The following PRKCSH variants were observed in gnomAD, a reference collection of about 807,000 sequenced individuals.
PRKCSH encodes PRKCSH beta subunit of glucosidase II.
PRKCSH carries 42 observed loss-of-function variants against 79.7 expected under a neutral mutation model. The ratio of observed to expected loss-of-function variants is 0.53; its 90% confidence interval spans 0.41 to 0.68. The LOEUF (loss-of-function observed/expected upper bound fraction) is 0.68, where lower values mean the gene tolerates loss of function less well. PRKCSH is among the 30% of genes least tolerant of loss of function. PRKCSH has a pLI of 0.00. For synonymous variants in PRKCSH, 325 were observed against 288.2 expected (o/e 1.13, Z -1.29); for missense variants, 686 against 709.0 (o/e 0.97, Z 0.37).
chr19:11,446,564 C>T (rs938460287), intron 9 of PRKCSH, among the ~76,000 whole-genome samples: 1 of 152,064 alleles, frequency 6.6e-6, no homozygotes, highest in Admixed American at 6.5e-5. Flanking sequence ...CACCTGCCCC[C>T]ACTCTACCCG....
intron 7 of PRKCSH, among the ~76,000 whole-genome samples, chr19:11,444,421 C>A (rs1366459439): frequency 1.3e-5 from 2 of 152,174 alleles, no homozygotes; most frequent in African/African-American, 4.8e-5. Flanking sequence ...ATGGGCAGGT[C>A]CCTTCACCCA....
Position 11,448,950 on chromosome 19 carries a change from G to C in PRKCSH, c.1323G>C (p.Ser441=), listed in dbSNP as rs759312166. The C allele has an allele frequency of 1.2e-6, 2 of 1,613,976 alleles. No individual in the cohort carries two copies. Among genetic ancestry groups the C allele is most frequent in the East Asian group, 4.5e-5 (2 of 44,900 alleles). Residue 441 remains serine (S), a synonymous_variant, in exon 15 of 18, where the codon TCG becomes TCC. Transcript: ENST00000677123. This position sits in a 1 kb window ranked among gnomAD's most constrained non-coding sequence, Gnocchi z 4.4. ...GCCTCTGCCCCTTCAAGCTTGTCTC[G>C]CAGAAACCCAAACTCGGGGGCTCTC... ...VYRLCPFKLV[S]QKPKLGGSPT...
intron 6 of PRKCSH, 83 bp from the exon 7 acceptor site, chr19:11,442,303 G>A: frequency 5.3e-6 from 8 of 1,511,148 alleles, no homozygotes; most frequent in South Asian, 3.6e-5. Flanking sequence ...CTGCTGCCCT[G>A]TGGAGTAGAG....
Position 11,447,784 on chromosome 19 carries a change from T to C in PRKCSH, c.1121T>C (p.Ile374Thr). ...PPYDEQTQAF[I>T]DAAQEARNKF... ...TACGACGAGCAGACGCAGGCCTTCATCGATGGTGAGGGTGGGCGGGGGCCA... is the reference window on the plus strand; with the variant it reads ...TACGACGAGCAGACGCAGGCCTTCACCGATGGTGAGGGTGGGCGGGGGCCA... Residue 374 changes from isoleucine to threonine, a missense_variant, in exon 12 of 18, where the codon ATC becomes ACC. By Grantham distance (89) the Ile-to-Thr change is moderately conservative. Coordinates refer to ENST00000677123, the MANE Select transcript of PRKCSH (RefSeq NM_001289104.2). This position sits in a 1 kb window ranked among gnomAD's most constrained non-coding sequence, Gnocchi z 5.6. 1 of 1,575,346 alleles carries C rather than the reference T, an allele frequency of 6.3e-7. No homozygotes were observed. The highest frequency in any genetic ancestry group is 1.2e-5 in the South Asian group (1 of 86,102).
Position 11,446,354 on chromosome 19 carries a change from C to G in PRKCSH, c.762+4C>G. The G allele has an allele frequency of 6.2e-7, 1 of 1,611,752 alleles. No individual in the cohort carries two copies. Among genetic ancestry groups the G allele is most frequent in the Middle Eastern group, 1.7e-4 (1 of 6,056 alleles). ...GTTGTCAGAAGCGGAAGCTCAGGTA[C>G]CCCCGGCTGCCCCTTGGTTGGGGAC... On this transcript the variant is annotated splice_donor_region_variant and intron_variant, in intron 9 of 17. Coordinates refer to ENST00000677123, the MANE Select transcript of PRKCSH (RefSeq NM_001289104.2).
Position 11,444,950 on chromosome 19 carries a change from C to T in PRKCSH, c.599-439C>T, listed in dbSNP as rs141208193. Reference sequence around the variant, plus strand: ...CCCACCTCCCACCTCTGACCGTCTGCGCACTCCATCTGCGTCTCCCCAGAA... The same window carrying T: ...CCCACCTCCCACCTCTGACCGTCTGTGCACTCCATCTGCGTCTCCCCAGAA... On this transcript the variant is annotated intron_variant, in intron 7 of 17. Coordinates refer to ENST00000677123, the MANE Select transcript of PRKCSH (RefSeq NM_001289104.2). 4.2e-3 allele frequency among the ~76,000 whole-genome samples: 641 copies of T among 152,228 alleles called. 11 individuals are homozygous for T. The highest frequency in any genetic ancestry group is 0.034 in the Admixed American group (516 of 15,286).
rs747320872 is a variant in PRKCSH, at chr19:11,447,454, C to A, written c.865C>A (p.Leu289Ile). The A allele has an allele frequency of 6.2e-7, 1 of 1,614,006 alleles. No homozygotes were observed. The highest frequency in any genetic ancestry group is 1.1e-5 in the South Asian group (1 of 91,068). ...CACCCGCCAGGCACTGCCCACCGACCTTCCAGCACCTTCTGCCCCTGACTT... is the reference window on the plus strand; with the variant it reads ...CACCCGCCAGGCACTGCCCACCGACATTCCAGCACCTTCTGCCCCTGACTT... The part of the protein sequence containing the change: ...KYRSEALPTD[L>I]PAPSAPDLTE... Residue 289 changes from leucine (L) to isoleucine (I), a missense_variant, in exon 11 of 18, where the codon CTT (leucine) becomes ATT (isoleucine). By Grantham distance (5) the Leu-to-Ile change is conservative. Transcript: ENST00000677123. This position sits in a 1 kb window ranked among gnomAD's most constrained non-coding sequence, Gnocchi z 5.6.
At chr19:11,439,738 A>T (rs1280414417) in intron 5 of PRKCSH, among the ~76,000 whole-genome samples, 1 of 142,502 alleles carries the variant, frequency 7.0e-6, no homozygotes. Flanking sequence ...CTTCTGCCTT[A>T]GCCTCCTGAG....
rs1387634588 is a variant in PRKCSH, at chr19:11,437,880, G to A, written c.201G>A (p.Thr67=). ...DCKDGSDEPG[T]AACPNGSFHC... is the part of the protein sequence containing the mutation. ...TCCCTCCCTTCTTCCTCACAGGCAC[G>A]GCTGCCTGTCCTAATGGCAGCTTCC... The change falls in exon 4 of 18, where the codon ACG becomes ACA. Residue 67 remains threonine, a synonymous_variant. Transcript: ENST00000677123. The A allele has an allele frequency of 3.7e-6, 6 of 1,613,844 alleles. No homozygotes were observed. The highest frequency in any genetic ancestry group is 3.3e-4 in the Middle Eastern group (2 of 6,062).
chr19:11,446,819 C>T lies in PRKCSH; in HGVS notation c.763-255C>T, dbSNP rs561327740. 5.9e-5 allele frequency among the ~76,000 whole-genome samples: 9 copies of T among 151,598 alleles called. No individual in the cohort carries two copies. The South Asian group carries it at 1.0e-3, about 17-fold the overall frequency. On this transcript the variant is annotated intron_variant, in intron 9 of 17. Transcript: ENST00000677123. ...TGGGCTCTCTCTTCCTCCATCTGTA[C>T]GTCCGTTTGTCCATCTGCTTCTCTC...
rs56328600 is a variant in PRKCSH, at chr19:11,436,664, G to A, written c.196+159G>A. The A allele has an allele frequency of 4.5e-3, 3,066 of 680,448 alleles. 11 individuals carry two copies. The highest frequency in any genetic ancestry group is 8.1e-3 in the South Asian group (505 of 62,512). The allele number at this position is 680,448 out of a possible 1,614,324, so 42.2% of individuals were successfully genotyped here. ...TCAGTGTTATGGCCCCGGGCAGCTG[G>A]AGGAGCCCAGAGTCGTCCTCCTCCC... On this transcript the variant is annotated intron_variant, in intron 3 of 17. Coordinates refer to ENST00000677123, the MANE Select transcript of PRKCSH (RefSeq NM_001289104.2).
At position 11,438,133 on chromosome 19, in the gene PRKCSH, G is replaced by T. The variant is rs763389419; in HGVS notation, c.350+9G>T. 2 of 1,613,806 alleles carry T rather than the reference G, an allele frequency of 1.2e-6. No individual in the cohort carries two copies. The highest frequency in any genetic ancestry group is 2.2e-5 in the South Asian group (2 of 91,046). ...TGTGAGAACACCTGCAAGTACGTGG[G>T]TGACAGTACCCCTCCCATCACCCCA... is the stretch of plus-strand genomic sequence containing the variant. On this transcript the variant is annotated intron_variant, in intron 5 of 17. Transcript: ENST00000677123.
At position 11,446,977 on chromosome 19, in the gene PRKCSH, G is replaced by A. The variant is rs537929577; in HGVS notation, c.763-97G>A. On this transcript the variant is annotated intron_variant, in intron 9 of 17. Coordinates refer to ENST00000677123, the MANE Select transcript of PRKCSH (RefSeq NM_001289104.2). ...CCTGGTCATCAGGGCCCGGGGCCCA[G>A]CCCTCCCGTGCCTGGCACCGCAGCC... 191 of 1,336,422 alleles carry A rather than the reference G, an allele frequency of 1.4e-4. No individual in the cohort carries two copies. The African/African-American group carries it at 2.2e-3, about 16-fold the overall frequency. The allele number at this position is 1,336,422 out of a possible 1,614,324, so 82.8% of individuals were successfully genotyped here.
In PRKCSH at chr19:11,437,905, C is replaced by T; in HGVS notation, c.226C>T (p.His76Tyr). Residue 76 changes from histidine to tyrosine, a missense_variant, in exon 4 of 18, where the codon CAC (histidine) becomes TAC (tyrosine). His to Tyr is a moderately conservative substitution (Grantham distance 83, BLOSUM62 2). This residue lies in a region of PRKCSH where 549 missense variants were observed against 520.2 expected (regional missense o/e 1.06). Coordinates refer to ENST00000677123, the MANE Select transcript of PRKCSH (RefSeq NM_001289104.2). ...GTAACPNGSF[H>Y]CTNTGYKPLY... Reference sequence around the variant, plus strand: ...GGCTGCCTGTCCTAATGGCAGCTTCCACTGCACCAACACTGGCTATAAGCC... The same window carrying T: ...GGCTGCCTGTCCTAATGGCAGCTTCTACTGCACCAACACTGGCTATAAGCC... The T allele has an allele frequency of 6.2e-7, 1 of 1,614,182 alleles. No homozygotes were observed. The highest frequency in any genetic ancestry group is 8.5e-7 in the Non-Finnish European group (1 of 1,180,034).
chr19:11,446,907 G>C (rs1299368897), intron 9 of PRKCSH, among the ~76,000 whole-genome samples, 167 bp from the exon 10 acceptor site: 1 of 152,106 alleles, frequency 6.6e-6, no homozygotes, highest in Admixed American at 6.6e-5. Flanking sequence ...CCACGGGCCT[G>C]TGCTGCCCCC....
chr19:11,449,482 G>T lies in PRKCSH; in HGVS notation c.*16+54G>T, dbSNP rs1045760850. ...CTGCCCCAGCAAGGGGAGGCGGCGG[G>T]CCCTGAGGAAGATGGACCCACATGG... On this transcript the variant is annotated intron_variant, in intron 17 of 17. Transcript: ENST00000677123. The surrounding 1 kb of genome is among the most constrained non-coding windows in gnomAD (Gnocchi z 6.4). 6.2e-7 allele frequency: 1 copy of T among 1,608,942 alleles called. No homozygotes were observed.
rs1348991751 is a variant in PRKCSH at position 11,435,718 on chromosome 19, C to G, written c.-78+12C>G. On this transcript the variant is annotated intron_variant, in intron 1 of 17. Coordinates refer to ENST00000677123, the MANE Select transcript of PRKCSH (RefSeq NM_001289104.2). The stretch of plus-strand genomic sequence containing the variant: ...TGCTCCGGCCTCGTGTAGGTGTGAA[C>G]GAGCGGGTGGGAGGGCACCTCAGTT... The G allele has an allele frequency of 2.3e-6, 3 of 1,327,964 alleles. No homozygotes were observed. The highest frequency in any genetic ancestry group is 3.0e-5 in the African/African-American group (2 of 67,356). 82.3% of individuals were successfully genotyped at this position (1,327,964 alleles called of 1,614,324 possible). A position where few individuals can be genotyped will look rare whatever the true frequency, so the allele number is the denominator to read the frequency against.
In PRKCSH at chr19:11,449,426, G is replaced by A. The variant is rs1403887272; in HGVS notation, c.*14G>A. ...GACGAGCTCTAGCTGGATGGGCGCA[G>A]AGGTGGGCGGGGAGGTGGAGTCTCG... On this transcript the variant is annotated splice_region_variant and 3_prime_UTR_variant, in exon 17 of 18. Coordinates refer to ENST00000677123, the MANE Select transcript of PRKCSH (RefSeq NM_001289104.2). This position sits in a 1 kb window ranked among gnomAD's most constrained non-coding sequence, Gnocchi z 6.4. 12 of 1,612,906 alleles carry A rather than the reference G, an allele frequency of 7.4e-6. No individual in the cohort carries two copies. Among genetic ancestry groups the A allele is most frequent in the Non-Finnish European group, 1.0e-5 (12 of 1,179,892 alleles).
intron 6 of PRKCSH, among the ~76,000 whole-genome samples, chr19:11,441,628 T>A (rs182797972): frequency 1.1e-3 from 170 of 152,242 alleles, no homozygotes; most frequent in African/African-American, 3.9e-3. Context: ...CTCCTGGGGA[T>A]GGGAGGGTTG....
Sources: allele counts gnomAD v4.1 joint callset (sites outside exome capture counted in the v4.1 genomes callset), GRCh38; gene constraint gnomAD v4.1.1; regional missense constraint gnomAD v4.1.1; non-coding constraint Gnocchi (gnomAD v3.1); transcripts MANE v1.5; gene names NCBI Gene and HGNC (gene_info 2026-07-23, HGNC 2026-07-21).